The following ADD3 variants were observed in gnomAD, a reference collection of about 807,000 sequenced individuals.
ADD3 encodes gamma-adducin.
In ADD3, 25 loss-of-function variants were observed where a neutral mutation model predicts 80.2. That is an observed-to-expected ratio of 0.31 (90% CI 0.23 to 0.44). The LOEUF (loss-of-function observed/expected upper bound fraction) is 0.44. ADD3 is among the 20% of genes least tolerant of loss of function. ADD3 has a pLI of 1.00. For missense variants in ADD3, 829 were observed against 847.5 expected (o/e 0.98, Z 0.27); for synonymous variants, 284 against 289.6 (o/e 0.98, Z 0.20).
intron 3 of ADD3, 92 bp downstream of exon 3, chr10:110,113,007 G>A: frequency 7.3e-7 from 1 of 1,372,820 alleles, no homozygotes; most frequent in Non-Finnish European, 1.0e-6. Flanking sequence ...CTCGGGTTCA[G>A]TCCTTAAGTT....
intron 10 of ADD3, 30 bp from the exon 11 acceptor site, chr10:110,125,796 C>CT: frequency 6.5e-7 from 1 of 1,541,222 alleles, no homozygotes; most frequent in Admixed American, 1.8e-5. Flanking sequence ...TAACACAAAG[C>CT]TTCATTTTAG....
intron 9 of ADD3, among the ~76,000 whole-genome samples, chr10:110,122,496 T>G (rs541888660): frequency 7.4e-4 from 112 of 152,278 alleles, no homozygotes; most frequent in African/African-American, 2.6e-3. Flanking sequence ...TACAATATAT[T>G]GTTATTAACT....
intron 4 of ADD3, 57 bp downstream of exon 4, chr10:110,116,467 T>G: frequency 6.4e-7 from 1 of 1,563,976 alleles, no homozygotes; most frequent in South Asian, 1.1e-5. Context: ...AAGGCAACTA[T>G]ACTCTTCTTA....
intron 1 of ADD3, among the ~76,000 whole-genome samples, chr10:110,092,694 C>T (rs1192903712): frequency 6.6e-6 from 1 of 152,030 alleles, no homozygotes; most frequent in Non-Finnish European, 1.5e-5. Flanking sequence ...ATGTAACAGA[C>T]CTGCACATGT....
intron 1 of ADD3, among the ~76,000 whole-genome samples, chr10:110,066,597 T>C (rs557278436): frequency 4.6e-5 from 7 of 152,140 alleles, no homozygotes; most frequent in Non-Finnish European, 8.8e-5. Context: ...TTTTGGTCAA[T>C]CTTTTAACTA....
At chr10:110,038,713 A>G (rs1589826298) in intron 1 of ADD3, among the ~76,000 whole-genome samples, 1 of 152,222 alleles carries the variant, frequency 6.6e-6, no homozygotes, top group African/African-American at 2.4e-5. Context: ...GAATTTACCT[A>G]CAGAGTCCAA....
chr10:110,122,378 T>A, intron 9 of ADD3, 86 bp downstream of exon 9: 1 of 1,232,772 alleles, frequency 8.1e-7, no homozygotes, highest in Non-Finnish European at 1.1e-6. Context: ...ACATGCTCCA[T>A]ACTCTTCCAG....
chr10:110,059,941 AC>A (rs1377665406), intron 1 of ADD3, among the ~76,000 whole-genome samples: 1 of 152,062 alleles, frequency 6.6e-6, no homozygotes, highest in African/African-American at 2.4e-5. Flanking sequence ...TATTCTGTGG[AC>A]TCTCAAAGTA....
intron 1 of ADD3, among the ~76,000 whole-genome samples, chr10:110,016,019 T>C (rs1450175463): frequency 6.6e-6 from 1 of 152,250 alleles, no homozygotes; most frequent in Non-Finnish European, 1.5e-5. Context: ...TGATGTCTTA[T>C]AATCTAAACG....
chr10:110,073,538 C>A (rs1845032685), intron 1 of ADD3, among the ~76,000 whole-genome samples: 1 of 152,186 alleles, frequency 6.6e-6, no homozygotes, highest in Non-Finnish European at 1.5e-5. Context: ...CACGGCACAG[C>A]AGTCTAAATT....
At chr10:110,009,028 C>A (rs1431218220) in intron 1 of ADD3, among the ~76,000 whole-genome samples, 1 of 152,144 alleles carries the variant, frequency 6.6e-6, no homozygotes, top group East Asian at 1.9e-4. Context: ...GTAGCATAAT[C>A]TGGGCCTCTT....
chr10:110,043,009 A>G (rs957191795), intron 1 of ADD3, among the ~76,000 whole-genome samples: 5 of 152,256 alleles, frequency 3.3e-5, no homozygotes, highest in Non-Finnish European at 7.3e-5. Context: ...GCTTTTCAGC[A>G]AATGGCATGC....
At chr10:110,059,099 A>G (rs1358071297) in intron 1 of ADD3, among the ~76,000 whole-genome samples, 1 of 152,190 alleles carries the variant, frequency 6.6e-6, no homozygotes, top group Non-Finnish European at 1.5e-5. Flanking sequence ...ACAGGATCCT[A>G]TGAAAGATAA....
intron 3 of ADD3, 50 bp downstream of exon 3, chr10:110,112,965 G>A: frequency 6.3e-7 from 1 of 1,580,210 alleles, no homozygotes; most frequent in Non-Finnish European, 8.6e-7. Context: ...CTTCCACTTT[G>A]GACCACTATA....
intron 1 of ADD3, among the ~76,000 whole-genome samples, chr10:110,086,712 C>T (rs988521633): frequency 3.3e-5 from 5 of 152,164 alleles, no homozygotes; most frequent in Non-Finnish European, 7.4e-5. Flanking sequence ...TGTAGGTTTC[C>T]TGAGGCCTCT....
intron 1 of ADD3, among the ~76,000 whole-genome samples, chr10:110,029,453 T>C (rs988219435): frequency 6.6e-6 from 1 of 152,250 alleles, no homozygotes; most frequent in African/African-American, 2.4e-5. Context: ...TAACAATGTG[T>C]TCTGAATCTG....
At chr10:110,125,046 T>A (rs1190956873) in intron 10 of ADD3, among the ~76,000 whole-genome samples, 1 of 152,194 alleles carries the variant, frequency 6.6e-6, no homozygotes, top group African/African-American at 2.4e-5. Context: ...GTTCTAGATA[T>A]TCAGAATTAG....
chr10:110,053,083 C>A (rs1395523526), intron 1 of ADD3, among the ~76,000 whole-genome samples: 1 of 152,120 alleles, frequency 6.6e-6, no homozygotes, highest in Non-Finnish European at 1.5e-5. Flanking sequence ...TGTTAGTGAG[C>A]AAATACAGCT....
At chr10:110,051,490 A>G (rs1370724851) in intron 1 of ADD3, among the ~76,000 whole-genome samples, 1 of 152,180 alleles carries the variant, frequency 6.6e-6, no homozygotes, top group African/African-American at 2.4e-5. Context: ...ATAGTGAAAT[A>G]TTAGGGAAAA....
Sources: allele counts gnomAD v4.1 joint callset (sites outside exome capture counted in the v4.1 genomes callset), GRCh38; gene constraint gnomAD v4.1.1; transcripts MANE v1.5; gene names NCBI Gene and HGNC (gene_info 2026-07-23, HGNC 2026-07-21).